The following VPS33A variants were observed in gnomAD, a reference collection of about 807,000 sequenced individuals.
The protein encoded by VPS33A is VPS33A core subunit of CORVET and HOPS complexes.
In VPS33A, 32 loss-of-function variants were observed where a neutral mutation model predicts 71.8. That is an observed-to-expected ratio of 0.45 (90% confidence interval 0.34 to 0.60). The LOEUF (loss-of-function observed/expected upper bound fraction) is 0.60. VPS33A is among the 20% of genes least tolerant of loss of function. The probability of loss-of-function intolerance (pLI) is 0.02; values close to 1 mark genes in which losing one functional copy is unlikely to be tolerated. For missense variants in VPS33A, 625 were observed against 748.5 expected, an observed-to-expected ratio of 0.84 and a Z score of 1.92; for synonymous variants, 311 against 292.7, an observed-to-expected ratio of 1.06 and a Z score of -0.64.
At chr12:122,242,538 G>A (rs754497004) in intron 7 of VPS33A, 30 bp from the exon 8 acceptor site, 1 of 1,585,374 alleles carries the variant, frequency 6.3e-7, no homozygotes, top group Non-Finnish European at 8.6e-7. Context: ...AGTGCCTCAA[G>A]CAGGGAAGAT....
intron 9 of VPS33A, 89 bp downstream of exon 9, chr12:122,239,789 T>C: frequency 2.5e-6 from 1 of 394,716 alleles, no homozygotes; most frequent in Non-Finnish European, 4.4e-6. Flanking sequence ...AGGCAAGGCA[T>C]GGGAATCAAA....
Position 122,266,423 on chromosome 12 carries a change from C to G in VPS33A, c.-15G>C. On this transcript the variant is annotated 5_prime_UTR_variant, in exon 1 of 13. Coordinates refer to ENST00000267199, the MANE Select transcript of VPS33A (RefSeq NM_022916.6). ...TGAGCCGCCATCTTGCTCCACCACCCCCTGCCCCACAACGCCAACCGAGTC... is the reference window on the plus strand; with the variant it reads ...TGAGCCGCCATCTTGCTCCACCACCGCCTGCCCCACAACGCCAACCGAGTC... The G allele has an allele frequency of 1.2e-6, 2 of 1,604,512 alleles. No homozygotes were observed. Among genetic ancestry groups the G allele is most frequent in the South Asian group, 1.1e-5 (1 of 90,780 alleles).
chr12:122,232,769 A>C (rs1237346439), intron 12 of VPS33A, 31 bp downstream of exon 12: 1 of 1,595,618 alleles, frequency 6.3e-7, no homozygotes, highest in Admixed American at 1.7e-5. Flanking sequence ...AACAGTACAT[A>C]ATTATCTGTA....
At position 122,238,754 on chromosome 12, in the gene VPS33A, T is replaced by C. The variant is rs529129847; in HGVS notation, c.1165-30A>G. 2.2e-5 allele frequency: 35 copies of C among 1,564,096 alleles called. No homozygotes were observed. In the South Asian group the frequency reaches 3.0e-4, roughly 13 times the overall value. ...AAATAAAGTAGCATACATATACATA[T>C]ACATTTACATATACATACACACACA... On this transcript the variant is annotated intron_variant, in intron 9 of 12. Coordinates refer to ENST00000267199, the MANE Select transcript of VPS33A (RefSeq NM_022916.6).
intron 5 of VPS33A, among the ~76,000 whole-genome samples, chr12:122,250,739 C>T (rs1954831920): frequency 6.6e-6 from 1 of 152,176 alleles, no homozygotes; most frequent in Non-Finnish European, 1.5e-5. Flanking sequence ...GGAGTGTCAG[C>T]TGCCTCAGTT....
chr12:122,235,719 C>A, intron 11 of VPS33A, 67 bp downstream of exon 11: 4 of 1,510,920 alleles, frequency 2.6e-6, no homozygotes, highest in Non-Finnish European at 2.7e-6. Flanking sequence ...GGTTCAGAAG[C>A]ATGTGTTGTC....
In VPS33A at chr12:122,232,863, G is replaced by A. The variant is rs754340267; in HGVS notation, c.1546C>T (p.Arg516Cys). Residue 516 changes from arginine (R) to cysteine (C), a missense_variant, in exon 12 of 13, where the codon CGC becomes TGC. By Grantham distance (180) the Arg-to-Cys change is radical. Coordinates refer to ENST00000267199, the MANE Select transcript of VPS33A (RefSeq NM_022916.6). ...PGWRSIEEVLRILPGPHFEER... is the reference protein window; with the variant it reads ...PGWRSIEEVLCILPGPHFEER... ...TCAAAGTGGGGCCCTGGGAGGATGC[G>A]GAGGACCTCCTCGATGCTCCGCCAG... The A allele has an allele frequency of 5.0e-6, 8 of 1,614,028 alleles. No individual in the cohort carries two copies. The highest frequency in any genetic ancestry group is 2.5e-6 in the Non-Finnish European group (3 of 1,180,034).
intron 9 of VPS33A, 40 bp from the exon 10 acceptor site, chr12:122,238,764 TATAC>T (rs777997949): frequency 5.6e-6 from 8 of 1,434,054 alleles, no homozygotes; most frequent in East Asian, 4.7e-5. Context: ...TACATTTACA[TATAC>T]ATACACACAC....
chr12:122,236,696 C>T (rs1593194601), intron 10 of VPS33A, among the ~76,000 whole-genome samples: 1 of 152,202 alleles, frequency 6.6e-6, no homozygotes, highest in African/African-American at 2.4e-5. Context: ...GAGCTGGGCA[C>T]TGTTCTGGTC....
At chr12:122,249,683 G>T in intron 6 of VPS33A, 188 bp downstream of exon 6, 1 of 458,378 alleles carries the variant, frequency 2.2e-6, no homozygotes, top group Non-Finnish European at 3.6e-6. Flanking sequence ...CTTTGGCCAA[G>T]GGTTAGAAAA....
intron 4 of VPS33A, among the ~76,000 whole-genome samples, chr12:122,255,644 G>T (rs188183851): frequency 2.9e-4 from 42 of 142,812 alleles, no homozygotes; most frequent in African/African-American, 1.1e-3. Context: ...GGCGGAGGTT[G>T]CAGTGAGCCG....
intron 7 of VPS33A, among the ~76,000 whole-genome samples, chr12:122,243,087 T>A (rs1954735930): frequency 6.6e-6 from 1 of 152,216 alleles, no homozygotes; most frequent in African/African-American, 2.4e-5. Flanking sequence ...AAACACTGTG[T>A]CAGTATTTTG....
At chr12:122,236,947 C>G (rs1566038116) in intron 10 of VPS33A, among the ~76,000 whole-genome samples, 1 of 152,090 alleles carries the variant, frequency 6.6e-6, no homozygotes, top group African/African-American at 2.4e-5. Flanking sequence ...CTGGTCACAT[C>G]TGGGGAGGGA....
At chr12:122,251,309 C>T (rs929275722) in intron 4 of VPS33A, among the ~76,000 whole-genome samples, 10 of 152,202 alleles carry the variant, frequency 6.6e-5, no homozygotes, top group Non-Finnish European at 1.2e-4. Flanking sequence ...TGGGTGCAGC[C>T]GTGGAAGCAC....
At chr12:122,246,125 A>G (rs1954772762) in intron 6 of VPS33A, among the ~76,000 whole-genome samples, 1 of 152,142 alleles carries the variant, frequency 6.6e-6, no homozygotes, top group Non-Finnish European at 1.5e-5. Context: ...ATTTGGCAAC[A>G]TGTACCAAGT....
At chr12:122,251,187 C>T (rs1369159330) in intron 4 of VPS33A, 88 bp from the exon 5 acceptor site, 1 of 845,916 alleles carries the variant, frequency 1.2e-6, no homozygotes, top group East Asian at 2.5e-5. Flanking sequence ...CAGCGACAGA[C>T]AATAAAATCA....
intron 4 of VPS33A, among the ~76,000 whole-genome samples, chr12:122,259,264 G>C (rs1954961283): frequency 1.3e-5 from 2 of 151,902 alleles, no homozygotes; most frequent in Non-Finnish European, 2.9e-5. Context: ...TTGTTGCCCA[G>C]GCTGGAGTGC....
chr12:122,262,525 A>T (rs1955009544), intron 3 of VPS33A, among the ~76,000 whole-genome samples: 1 of 151,876 alleles, frequency 6.6e-6, no homozygotes. Context: ...GGCTGCAACA[A>T]TCAATTGTAC....
In VPS33A at chr12:122,232,833, G is replaced by A. The variant is rs763059819; in HGVS notation, c.1576C>T (p.Arg526Trp). 6 of 1,613,876 alleles carry A rather than the reference G, an allele frequency of 3.7e-6. No homozygotes were observed. The highest frequency in any genetic ancestry group is 3.3e-5 in the Admixed American group (2 of 59,968). The change falls in exon 12 of 13, where the codon CGG becomes TGG. Residue 526 changes from arginine (R) to tryptophan (W), a missense_variant. Arg to Trp is a moderately radical substitution (Grantham distance 101, BLOSUM62 -3). Transcript: ENST00000267199. ...RILPGPHFEE[R>W]QPLPTGLQKK... Reference sequence around the variant, plus strand: ...TGCAGTCCTGTGGGCAGTGGCTGCCGCTCCTCAAAGTGGGGCCCTGGGAGG... The same window carrying A: ...TGCAGTCCTGTGGGCAGTGGCTGCCACTCCTCAAAGTGGGGCCCTGGGAGG...
Sources: gnomAD v4.1 joint callset for allele counts (sites outside exome capture counted in the v4.1 genomes callset) on GRCh38, gnomAD v4.1.1 for gene constraint, MANE v1.5 for transcripts, NCBI Gene and HGNC (gene_info 2026-07-23, HGNC 2026-07-21) for gene names.